The following NTRK2 variants were observed in gnomAD, a reference collection of about 807,000 sequenced individuals.
NTRK2 encodes the protein neurotrophic receptor tyrosine kinase 2.
NTRK2 carries 13 observed loss-of-function variants against 94.5 expected under a neutral mutation model. The ratio of observed to expected loss-of-function variants is 0.14; its 90% confidence interval spans 0.09 to 0.22. The LOEUF is 0.22. Among genes scored for constraint, NTRK2 ranks in the 10% least tolerant of loss-of-function variants. The pLI is 1.00. For missense variants in NTRK2, 639 were observed against 1,071.2 expected (o/e 0.60, Z 5.63); for synonymous variants, 372 against 407.4 (o/e 0.91, Z 1.05).
intron 14 of NTRK2, among the ~76,000 whole-genome samples, chr9:84,923,914 AC>A (rs1216875556): frequency 1.3e-5 from 2 of 151,166 alleles, no homozygotes; most frequent in Non-Finnish European, 2.9e-5. Flanking sequence ...AAAAAAAAAA[AC>A]AACAAAAACA....
At position 84,922,116 on chromosome 9, in the gene NTRK2, C is replaced by T. The variant is rs563701129; in HGVS notation, c.1634-12046C>T. ...CTATATGAAATAGCAAATATTGGTT[C>T]GTTTTTGACCTGTATGAATGGAAAT... On this transcript the variant is annotated intron_variant, in intron 14 of 18. Coordinates refer to ENST00000277120, the MANE Select transcript of NTRK2 (RefSeq NM_006180.6). Among the ~76,000 whole-genome samples the T allele has an allele frequency of 1.3e-3, 202 of 152,186 alleles. 2 individuals are homozygous for T. The highest frequency in any genetic ancestry group is 4.7e-3 in the African/African-American group (195 of 41,512).
intron 12 of NTRK2, among the ~76,000 whole-genome samples, chr9:84,816,941 C>T (rs986465053): frequency 1.3e-5 from 2 of 152,172 alleles, no homozygotes; most frequent in African/African-American, 4.8e-5. Context: ...TTGTCACAGA[C>T]TATGCAGGTT....
chr9:84,771,325 C>G (rs1044360171), intron 12 of NTRK2, among the ~76,000 whole-genome samples: 1 of 152,192 alleles, frequency 6.6e-6, no homozygotes, highest in African/African-American at 2.4e-5. Context: ...TAGAAAATGA[C>G]TTCCTCGGCC....
intron 2 of NTRK2, among the ~76,000 whole-genome samples, chr9:84,691,437 CAGGCT>C (rs2060043193): frequency 6.6e-6 from 1 of 152,146 alleles, no homozygotes; most frequent in Admixed American, 6.5e-5. Flanking sequence ...TTTGCTGAAC[CAGGCT>C]TTGATGGAAA....
rs372733478 is a variant in NTRK2 at position 84,913,533 on chromosome 9, A to G, written c.1634-20629A>G. ...ATTTTTATTCTTTTCTTGTTCCTGA[A>G]CGACATTTTTACTGGATATAGTATT... On this transcript the variant is annotated intron_variant, in intron 14 of 18. Transcript: ENST00000277120. Among the ~76,000 whole-genome samples the G allele has an allele frequency of 2.1e-4, 32 of 152,280 alleles. 1 individual carries two copies. The South Asian group carries it at 6.4e-3, about 31-fold the overall frequency.
chr9:84,969,949 G>T (rs556010247), intron 17 of NTRK2, among the ~76,000 whole-genome samples: 1 of 152,232 alleles, frequency 6.6e-6, no homozygotes, highest in Non-Finnish European at 1.5e-5. Flanking sequence ...AACATTGGAA[G>T]CAGGGAGATG....
intron 12 of NTRK2, among the ~76,000 whole-genome samples, chr9:84,792,160 T>C (rs1042833363): frequency 1.3e-5 from 2 of 152,218 alleles, no homozygotes; most frequent in African/African-American, 4.8e-5. Flanking sequence ...TATAACTGTT[T>C]AATGAGGCAG....
Position 84,939,981 on chromosome 9 carries a change from C to T in NTRK2, c.1764+5689C>T, listed in dbSNP as rs529972050. 9.2e-5 allele frequency among the ~76,000 whole-genome samples: 14 copies of T among 152,304 alleles called. No individual in the cohort carries two copies. In the South Asian group the frequency reaches 2.9e-3, roughly 32 times the overall value. ...GCAACTCAAAAGAAAGAGAGCTCCT[C>T]CTTCCAAACAGCTATGCAAAAATCC... On this transcript the variant is annotated intron_variant, in intron 15 of 18. Coordinates refer to ENST00000277120, the MANE Select transcript of NTRK2 (RefSeq NM_006180.6).
At chr9:84,762,167 C>A (rs2065635239) in intron 12 of NTRK2, among the ~76,000 whole-genome samples, 1 of 152,156 alleles carries the variant, frequency 6.6e-6, no homozygotes, top group South Asian at 2.1e-4. Context: ...AAACCTGTTT[C>A]CTTTATAAAC....
At chr9:84,715,372 T>C (rs1207805658) in intron 6 of NTRK2, among the ~76,000 whole-genome samples, 1 of 152,188 alleles carries the variant, frequency 6.6e-6, no homozygotes, top group Non-Finnish European at 1.5e-5. Flanking sequence ...CCTTAGAGAT[T>C]AATCGAGCAT....
intron 4 of NTRK2, among the ~76,000 whole-genome samples, chr9:84,706,536 T>TG (rs1010911002): frequency 1.5e-5 from 2 of 129,308 alleles, no homozygotes; most frequent in African/African-American, 5.7e-5. Flanking sequence ...TGTTTTTTTT[T>TG]TTTTTTTTTT....
chr9:84,669,148 C>G (rs2058543453), upstream of NTRK2, among the ~76,000 whole-genome samples: 1 of 152,072 alleles, frequency 6.6e-6, no homozygotes, highest in Non-Finnish European at 1.5e-5. This position sits in a 1 kb window ranked among gnomAD's most constrained non-coding sequence, Gnocchi z 4.1. Flanking sequence ...GGGCGGTGAT[C>G]CTTGGTTACC....
Position 84,730,783 on chromosome 9 carries a change from C to CAAAAAAAAAAAAA in NTRK2, c.1159+2837_1159+2849dup. 6.6e-4 allele frequency among the ~76,000 whole-genome samples: 16 copies of CAAAAAAAAAAAAA among 24,138 alleles called. 2 individuals carry two copies. Among genetic ancestry groups the CAAAAAAAAAAAAA allele is most frequent in the East Asian group, 3.4e-3 (2 of 580 alleles). The allele number at this position is 24,138 out of a possible 152,430, so 15.8% of individuals were successfully genotyped here. A position where few individuals can be genotyped will look rare whatever the true frequency, so the allele number is the denominator to read the frequency against. On this transcript the variant is annotated intron_variant, in intron 9 of 18. Coordinates refer to ENST00000277120, the MANE Select transcript of NTRK2 (RefSeq NM_006180.6). ...AAACTAAAGAAAAATAAACAAATAG[C>CAAAAAAAAAAAAA]AAAAAAAAAAAAAAAAAAAAAAAAA...
At chr9:84,749,504 A>T (rs897418248) in intron 11 of NTRK2, among the ~76,000 whole-genome samples, 1 of 152,138 alleles carries the variant, frequency 6.6e-6, no homozygotes, top group African/African-American at 2.4e-5. Flanking sequence ...AAATCACAGG[A>T]TTTATACTTG....
At chr9:84,785,551 C>T (rs760386038) in intron 12 of NTRK2, among the ~76,000 whole-genome samples, 1 of 152,156 alleles carries the variant, frequency 6.6e-6, no homozygotes, top group Non-Finnish European at 1.5e-5. Context: ...AGGGCAGATG[C>T]ATTGCAGTGG....
At chr9:84,765,162 A>G (rs112347174) in intron 12 of NTRK2, among the ~76,000 whole-genome samples, 2,447 of 152,310 alleles carry the variant, frequency 0.016, 78 homozygotes, top group African/African-American at 0.055. Context: ...GAGTGACTAT[A>G]GTCAATAATA....
intron 12 of NTRK2, among the ~76,000 whole-genome samples, chr9:84,853,153 C>G (rs953104032): frequency 2.6e-4 from 40 of 152,080 alleles, no homozygotes; most frequent in African/African-American, 9.7e-4. Flanking sequence ...AATACCCAGG[C>G]TCAGGAAAGC....
intron 9 of NTRK2, among the ~76,000 whole-genome samples, chr9:84,730,092 A>G (rs2062733342): frequency 6.6e-6 from 1 of 152,256 alleles, no homozygotes; most frequent in Non-Finnish European, 1.5e-5. Flanking sequence ...AATTTTATAA[A>G]TATGTTTCCT....
chr9:84,692,531 C>G (rs149115987), intron 2 of NTRK2, among the ~76,000 whole-genome samples: 2 of 136,734 alleles, frequency 1.5e-5, no homozygotes, highest in African/African-American at 5.5e-5. Context: ...AATCCAATGG[C>G]GCGATTTTGG....
Sources: gnomAD v4.1 joint callset for allele counts (sites outside exome capture counted in the v4.1 genomes callset) on GRCh38, gnomAD v4.1.1 for gene constraint, Gnocchi (gnomAD v3.1) non-coding constraint, MANE v1.5 for transcripts, NCBI Gene and HGNC (gene_info 2026-07-23, HGNC 2026-07-21) for gene names.